The following ALG9 variants were observed in gnomAD, a reference collection of about 807,000 sequenced individuals.
ALG9 encodes alpha-1,2-mannosyltransferase ALG9.
A neutral mutation model predicts 81.8 loss-of-function variants in ALG9; 55 were observed. The observed-to-expected ratio is 0.67, with a 90% CI of 0.54 to 0.84. ALG9 has a LOEUF of 0.84. Among genes scored for constraint, ALG9 ranks in the 40% least tolerant of loss-of-function variants. The probability of loss-of-function intolerance (pLI) is 0.00; values close to 1 mark genes in which losing one functional copy is unlikely to be tolerated. For synonymous variants in ALG9, 278 were observed against 274.3 expected, an observed-to-expected ratio of 1.01 and a Z score of -0.13; for missense variants, 629 against 745.0, an observed-to-expected ratio of 0.84 and a Z score of 1.81.
chr11:111,853,698 C>T lies in ALG9; in HGVS notation c.740G>A (p.Arg247Lys). 2.5e-6 allele frequency: 4 copies of T among 1,614,144 alleles called. No homozygotes were observed. The highest frequency in any genetic ancestry group is 3.4e-6 in the Non-Finnish European group (4 of 1,180,016). ...CGACCAATGAAAGAAACTCTTCCAC[C>T]TGTGTTTCATGACCAGCAAATCAAA... ...IAFDLLVMKHRWKSFFHWSLM... is the reference protein window; with the variant it reads ...IAFDLLVMKHKWKSFFHWSLM... Residue 247 changes from arginine (R) to lysine (K), a missense_variant, in exon 7 of 15, where the codon AGG (arginine) becomes AAG (lysine). Physicochemically the swap from Arg to Lys is conservative, Grantham distance 26. Transcript: ENST00000616540.
the ALG9 span, among the ~76,000 whole-genome samples, chr11:111,773,758 C>CT: frequency 0.72 from 100,254 of 139,418 alleles, 36,281 homozygotes; most frequent in African/African-American, 0.84. Context: ...TTTGTTTTTG[C>CT]TTTTTTTTTT....
At chr11:111,831,367 C>G (rs529174459) in intron 13 of ALG9, among the ~76,000 whole-genome samples, 1 of 152,162 alleles carries the variant, frequency 6.6e-6, no homozygotes, top group African/African-American at 2.4e-5. Context: ...AGGGTCTTTA[C>G]AGCACCTGTA....
At position 111,809,669 on chromosome 11, in the gene ALG9, G is replaced by A. The variant is rs1555089166; in HGVS notation, c.1707C>T (p.Ala569=). The A allele has an allele frequency of 1.2e-6, 2 of 1,614,100 alleles. No homozygotes were observed. Among genetic ancestry groups the A allele is most frequent in the Non-Finnish European group, 1.7e-6 (2 of 1,179,986 alleles). ...TAGAAGCATCAAGGAATGGTCTATA[G>A]GCCAAGCTGATCCATTCTTCTTTAT... ...SSNKEEWISL[A]YRPFLDASRS... Residue 569 remains alanine (A), a synonymous_variant, in exon 14 of 15, where the codon GCC becomes GCT. Transcript: ENST00000616540.
intron 2 of ALG9, among the ~76,000 whole-genome samples, chr11:111,869,880 C>T (rs138589862): frequency 7.4e-4 from 113 of 151,728 alleles, no homozygotes; most frequent in African/African-American, 2.7e-3. Flanking sequence ...GGTGTGATCT[C>T]GGCTCACTGT....
chr11:111,808,652 G>C (rs1022891442), intron 14 of ALG9, among the ~76,000 whole-genome samples: 8 of 152,172 alleles, frequency 5.3e-5, no homozygotes, highest in Non-Finnish European at 1.2e-4. Flanking sequence ...TCCTGGGCCT[G>C]GGCCCAGTCC....
At chr11:111,778,596 G>T (rs1945758354), downstream of ALG9, among the ~76,000 whole-genome samples, 1 of 152,194 alleles carries the variant, frequency 6.6e-6, no homozygotes, top group South Asian at 2.1e-4. Context: ...ATTAGAAAAG[G>T]ACACCAAATA....
intron 10 of ALG9, among the ~76,000 whole-genome samples, chr11:111,840,194 C>T (rs1474370727): frequency 6.6e-6 from 1 of 152,196 alleles, no homozygotes. Flanking sequence ...TCTGAGGCTA[C>T]TGAAGCCGTA....
chr11:111,802,674 TA>T (rs200186420), intron 14 of ALG9, among the ~76,000 whole-genome samples: 3 of 151,268 alleles, frequency 2.0e-5, no homozygotes, highest in South Asian at 2.1e-4. Context: ...CAATAAAGTT[TA>T]AAAAAAAACA....
Position 111,853,273 on chromosome 11 carries a change from G to T in ALG9, c.895+107C>A. The T allele has an allele frequency of 3.8e-6, 3 of 791,904 alleles. No homozygotes were observed. The East Asian group carries it at 7.9e-5, about 21-fold the overall frequency. The allele number at this position is 791,904 out of a possible 1,614,324, so 49.1% of individuals were successfully genotyped here. A position where few individuals can be genotyped will look rare whatever the true frequency, so the allele number is the denominator to read the frequency against. ...TTTTAAATAGGAAAAGATAATATCA[G>T]CCAAGAAATGCTACATCTAATAATA... On this transcript the variant is annotated intron_variant, in intron 8 of 14. Coordinates refer to ENST00000616540, the MANE Select transcript of ALG9 (RefSeq NM_024740.2).
chr11:111,830,650 G>A (rs2065933277), intron 13 of ALG9, among the ~76,000 whole-genome samples: 1 of 152,098 alleles, frequency 6.6e-6, no homozygotes, highest in South Asian at 2.1e-4. Flanking sequence ...ACCCGAGACT[G>A]ATAACAATTA....
At chr11:111,864,453 T>C in intron 4 of ALG9, 1 of 754,512 alleles carries the variant, frequency 1.3e-6, no homozygotes, top group Non-Finnish European at 2.5e-6. Context: ...ATCTGTTCTT[T>C]TTTGTAGTAA....
In ALG9 at chr11:111,823,668, G is replaced by A. The variant is rs368351937; in HGVS notation, c.1602+12497C>T. ...TTACAGTGCTTCTTCATCTCTAAGA[G>A]CTTTAGCAATATAAAAAGTCTGACT... On this transcript the variant is annotated intron_variant, in intron 13 of 14. Transcript: ENST00000616540. Among the ~76,000 whole-genome samples, 10 of 152,286 alleles carry A rather than the reference G, an allele frequency of 6.6e-5. No individual in the cohort carries two copies. In the South Asian group the frequency reaches 2.1e-3, roughly 32 times the overall value.
At chr11:111,838,098 T>C (rs1366605277) in intron 11 of ALG9, 151 bp downstream of exon 11, 6 of 778,704 alleles carry the variant, frequency 7.7e-6, no homozygotes, top group Non-Finnish European at 1.3e-5. Context: ...ACAGAAGTCA[T>C]ATGCCACTCA....
chr11:111,793,709 C>T (rs1268225284), intron 14 of ALG9, among the ~76,000 whole-genome samples: 1 of 147,518 alleles, frequency 6.8e-6, no homozygotes, highest in Non-Finnish European at 1.5e-5. Flanking sequence ...TGCAGTGAGC[C>T]GAGATCGCGC....
chr11:111,830,018 T>A (rs1954077924), intron 13 of ALG9, among the ~76,000 whole-genome samples: 1 of 152,192 alleles, frequency 6.6e-6, no homozygotes. Flanking sequence ...GGATTTCAGG[T>A]GTAGTTTCAG....
At chr11:111,820,371 C>A (rs1555102092) in intron 13 of ALG9, among the ~76,000 whole-genome samples, 2 of 152,186 alleles carry the variant, frequency 1.3e-5, no homozygotes, top group African/African-American at 4.8e-5. Context: ...TCTTACTGTG[C>A]CATCTCATGG....
At chr11:111,815,092 G>C (rs1485105394) in intron 13 of ALG9, among the ~76,000 whole-genome samples, 1 of 152,062 alleles carries the variant, frequency 6.6e-6, no homozygotes, top group African/African-American at 2.4e-5. Context: ...CAGGGATGTG[G>C]GTGGTAACTA....
At chr11:111,868,797 T>G (rs1481764342) in intron 2 of ALG9, 61 bp from the exon 3 acceptor site, 27 of 1,473,662 alleles carry the variant, frequency 1.8e-5, no homozygotes, top group Non-Finnish European at 2.5e-5. Flanking sequence ...GTTAAGCAGA[T>G]GCAAGTGAAG....
chr11:111,835,345 A>C (rs1274266585), intron 13 of ALG9, among the ~76,000 whole-genome samples: 1 of 152,226 alleles, frequency 6.6e-6, no homozygotes, highest in African/African-American at 2.4e-5. Flanking sequence ...ATCAAATGTC[A>C]AAAGTGTCAT....
Sources: gnomAD v4.1 joint callset for allele counts (sites outside exome capture counted in the v4.1 genomes callset) on GRCh38, gnomAD v4.1.1 for gene constraint, MANE v1.5 for transcripts, NCBI Gene and HGNC (gene_info 2026-07-23, HGNC 2026-07-21) for gene names.